Variants in FOCAD observed in about 807,000 individuals in gnomAD.
FOCAD encodes focadhesin.
Under a neutral mutation model 225.6 loss-of-function variants are expected in FOCAD, and 198 were observed. The ratio of observed to expected loss-of-function variants is 0.88; its 90% CI spans 0.78 to 0.99. FOCAD has a LOEUF of 0.99. Ranked by LOEUF, FOCAD falls within the 50% of genes least tolerant of loss-of-function variation. The probability of loss-of-function intolerance (pLI) is 0.00; values close to 1 mark genes in which losing one functional copy is unlikely to be tolerated. For missense variants in FOCAD, 2,713 were observed against 2,123.6 expected, an observed-to-expected ratio of 1.28 and a Z score of -5.46; for synonymous variants, 897 against 755.0, an observed-to-expected ratio of 1.19 and a Z score of -3.08.
chr9:20,727,984 G>A (rs1021092091), intron 4 of FOCAD, among the ~76,000 whole-genome samples: 30 of 152,142 alleles, frequency 2.0e-4, no homozygotes, highest in African/African-American at 6.8e-4. Flanking sequence ...CCCAGCATAC[G>A]TGAGCAGTGT....
intron 15 of FOCAD, among the ~76,000 whole-genome samples, chr9:20,852,383 C>T (rs948503813): frequency 8.6e-5 from 13 of 151,190 alleles, no homozygotes; most frequent in Admixed American, 2.6e-4. Context: ...GTTGTGTGAG[C>T]CACTCAGGCT....
intron 19 of FOCAD, among the ~76,000 whole-genome samples, chr9:20,876,203 C>T (rs1199066053): frequency 6.6e-6 from 1 of 152,158 alleles, no homozygotes; most frequent in African/African-American, 2.4e-5. Context: ...GACTTGTTCA[C>T]TCTTCCTCTC....
At chr9:20,728,307 A>G (rs1192884786) in intron 4 of FOCAD, among the ~76,000 whole-genome samples, 1 of 152,172 alleles carries the variant, frequency 6.6e-6, no homozygotes, top group African/African-American at 2.4e-5. Context: ...TCTTGGATAG[A>G]CCCAAGTCTA....
rs143412896 is a variant in FOCAD at position 20,662,220 on chromosome 9, G to T, written c.-78+3394G>T. ...TGTGCATATATGTGTGTGTGTGTGT[G>T]TATAATTACAAGCTACATTGTGATA... On this transcript the variant is annotated intron_variant, in intron 2 of 45. Coordinates refer to the FOCAD transcript ENST00000380249. Among the ~76,000 whole-genome samples the T allele has an allele frequency of 1.7e-4, 25 of 150,376 alleles. No homozygotes were observed. In the East Asian group the frequency reaches 4.7e-3, roughly 28 times the overall value.
chr9:20,953,925 C>T (rs563623110), intron 35 of FOCAD, among the ~76,000 whole-genome samples: 1 of 152,168 alleles, frequency 6.6e-6, no homozygotes, highest in South Asian at 2.1e-4. Flanking sequence ...CTGGAAGTGG[C>T]AGTTTGATTT....
At chr9:20,836,191 A>G (rs1011082374) in intron 15 of FOCAD, among the ~76,000 whole-genome samples, 12 of 152,076 alleles carry the variant, frequency 7.9e-5, no homozygotes, top group Non-Finnish European at 1.5e-4. Flanking sequence ...AGTGTGGTAT[A>G]AAAATGGCCA....
chr9:20,684,230 T>C (rs1178445568), upstream of FOCAD: 4 of 152,360 alleles, frequency 2.6e-5, no homozygotes, highest in Non-Finnish European at 5.9e-5. Flanking sequence ...CCCCGGGCGT[T>C]CGAGGCGGCG....
chr9:20,660,880 C>T (rs1269857377), intron 2 of FOCAD, among the ~76,000 whole-genome samples: 2 of 151,274 alleles, frequency 1.3e-5, no homozygotes, highest in Non-Finnish European at 2.9e-5. Flanking sequence ...GGCAGACAGT[C>T]AAAGAGAAAG....
intron 27 of FOCAD, among the ~76,000 whole-genome samples, chr9:20,932,094 G>A (rs1835537276): frequency 6.6e-6 from 1 of 151,970 alleles, no homozygotes; most frequent in Non-Finnish European, 1.5e-5. Context: ...ATTTGTTTAG[G>A]ATATTTAAGT....
chr9:20,869,688 T>G (rs1048005202), intron 18 of FOCAD, among the ~76,000 whole-genome samples: 4 of 152,176 alleles, frequency 2.6e-5, no homozygotes, highest in African/African-American at 9.6e-5. Flanking sequence ...ATTAAGAATT[T>G]CTGTGGGATT....
intron 20 of FOCAD, among the ~76,000 whole-genome samples, chr9:20,882,378 C>A (rs191964934): frequency 1.7e-4 from 26 of 152,032 alleles, no homozygotes; most frequent in African/African-American, 5.6e-4. Flanking sequence ...GGGACTAGGG[C>A]GACAAATTAG....
At chr9:20,790,224 T>G (rs1820379971) in intron 11 of FOCAD, among the ~76,000 whole-genome samples, 1 of 152,216 alleles carries the variant, frequency 6.6e-6, no homozygotes, top group Admixed American at 6.5e-5. Context: ...CCTTTTACAC[T>G]AACCACATAT....
intron 28 of FOCAD, among the ~76,000 whole-genome samples, chr9:20,937,992 C>T (rs1156560577): frequency 2.0e-5 from 3 of 152,058 alleles, no homozygotes; most frequent in African/African-American, 7.2e-5. Context: ...CTCATCATCA[C>T]TGGCCATCAG....
At chr9:20,937,186 T>G (rs1405945046) in intron 28 of FOCAD, among the ~76,000 whole-genome samples, 1 of 150,536 alleles carries the variant, frequency 6.6e-6, no homozygotes, top group East Asian at 1.9e-4. Flanking sequence ...GCCATCCCCA[T>G]CAAGCTACCA....
At chr9:20,900,317 C>T (rs1376741259) in intron 21 of FOCAD, among the ~76,000 whole-genome samples, 2 of 151,920 alleles carry the variant, frequency 1.3e-5, no homozygotes, top group African/African-American at 4.8e-5. Flanking sequence ...AGGTAATGAG[C>T]TCTCTTTTCA....
At chr9:20,780,221 C>T (rs1346688509) in intron 9 of FOCAD, among the ~76,000 whole-genome samples, 1 of 152,240 alleles carries the variant, frequency 6.6e-6, no homozygotes, top group Non-Finnish European at 1.5e-5. Flanking sequence ...TTTTCACCCT[C>T]AGCTCCAGAG....
At chr9:20,765,664 A>T (rs1829993142) in intron 7 of FOCAD, among the ~76,000 whole-genome samples, 1 of 152,218 alleles carries the variant, frequency 6.6e-6, no homozygotes. Context: ...TGGTTAACAG[A>T]GGTATGGATA....
intron 5 of FOCAD, among the ~76,000 whole-genome samples, chr9:20,750,297 A>ATT (rs1828429414): frequency 6.6e-6 from 1 of 152,210 alleles, no homozygotes; most frequent in East Asian, 1.9e-4. Context: ...AAACAAAAAG[A>ATT]TTAAGAAGAC....
intron 24 of FOCAD, among the ~76,000 whole-genome samples, 199 bp from the exon 25 acceptor site, chr9:20,923,458 TAAG>T (rs1422563047): frequency 2.0e-5 from 3 of 152,156 alleles, no homozygotes; most frequent in Non-Finnish European, 4.4e-5. Context: ...ACTACATTGA[TAAG>T]AAGAATTCAG....
Sources: gnomAD v4.1 joint callset for allele counts (sites outside exome capture counted in the v4.1 genomes callset) on GRCh38, gnomAD v4.1.1 for gene constraint, MANE v1.5 for transcripts, NCBI Gene and HGNC (gene_info 2026-07-23, HGNC 2026-07-21) for gene names.